KIAA1328: variants seen among roughly 807,000 people sequenced by gnomAD.
The protein encoded by KIAA1328 is protein hinderin.
Under a neutral mutation model 68.1 loss-of-function variants are expected in KIAA1328, and 52 were observed. The observed-to-expected ratio is 0.76, with a 90% confidence interval of 0.61 to 0.96. KIAA1328 has a LOEUF of 0.96. Ranked by LOEUF, KIAA1328 falls within the 40% of genes least tolerant of loss-of-function variation. The pLI is 0.00. For missense variants in KIAA1328, 641 were observed against 677.6 expected, an observed-to-expected ratio of 0.95 and a Z score of 0.60; for synonymous variants, 232 against 239.4, an observed-to-expected ratio of 0.97 and a Z score of 0.28.
chr18:37,049,128 G>A (rs537701731), intron 6 of KIAA1328, among the ~76,000 whole-genome samples: 21 of 152,260 alleles, frequency 1.4e-4, no homozygotes, highest in Non-Finnish European at 3.1e-4. Context: ...CCCTCAAAGA[G>A]TTCACAGTTT....
At chr18:37,029,314 T>G (rs1391454691) in intron 6 of KIAA1328, among the ~76,000 whole-genome samples, 1 of 152,146 alleles carries the variant, frequency 6.6e-6, no homozygotes, top group Non-Finnish European at 1.5e-5. Context: ...TAGGGGTGTT[T>G]GTAATAGTCT....
intron 5 of KIAA1328, among the ~76,000 whole-genome samples, chr18:36,941,859 G>A (rs2050724675): frequency 6.6e-6 from 1 of 151,872 alleles, no homozygotes; most frequent in Non-Finnish European, 1.5e-5. Context: ...AAGACCCCAG[G>A]AAGCTTATGG....
At chr18:37,149,995 C>T (rs896877211) in intron 7 of KIAA1328, among the ~76,000 whole-genome samples, 11 of 152,068 alleles carry the variant, frequency 7.2e-5, no homozygotes, top group African/African-American at 1.7e-4. Context: ...TTTTTGCAAG[C>T]ACTTTTGACA....
chr18:37,189,388 A>C (rs1300391727), intron 9 of KIAA1328, among the ~76,000 whole-genome samples: 1 of 152,232 alleles, frequency 6.6e-6, no homozygotes, highest in African/African-American at 2.4e-5. Flanking sequence ...TTTGGTTAAA[A>C]TAAATTATTT....
intron 5 of KIAA1328, among the ~76,000 whole-genome samples, chr18:36,892,269 A>G (rs2048715539): frequency 1.3e-5 from 2 of 152,174 alleles, no homozygotes; most frequent in Non-Finnish European, 2.9e-5. Context: ...CTCCTTTTTA[A>G]TGTATCTTTC....
rs540573087 is a variant in KIAA1328, at chr18:37,193,063, A to G, written c.1523+19982A>G. On this transcript the variant is annotated intron_variant, in intron 9 of 9. Coordinates refer to ENST00000280020, the MANE Select transcript of KIAA1328 (RefSeq NM_020776.3). ...TGTTGCACAGTGATAGTCTTTCACC[A>G]AACCTCCCAAAGAACAACAAAAAAG... Among the ~76,000 whole-genome samples, 13 of 152,324 alleles carry G rather than the reference A, an allele frequency of 8.5e-5. No homozygotes were observed. In the East Asian group the frequency reaches 2.1e-3, roughly 25 times the overall value.
chr18:36,943,994 C>T (rs567859763), intron 5 of KIAA1328, among the ~76,000 whole-genome samples: 13 of 152,152 alleles, frequency 8.5e-5, no homozygotes, highest in Middle Eastern at 6.9e-3. Context: ...AGTAGTAGGA[C>T]GATAAACTTT....
chr18:37,017,802 A>G (rs1483291789), intron 6 of KIAA1328, among the ~76,000 whole-genome samples: 4 of 151,342 alleles, frequency 2.6e-5, no homozygotes, highest in Admixed American at 2.0e-4. Context: ...TTTGTTTTCT[A>G]TTTATGCGGT....
chr18:37,034,329 A>G (rs2054947206), intron 6 of KIAA1328, among the ~76,000 whole-genome samples: 1 of 152,188 alleles, frequency 6.6e-6, no homozygotes, highest in Non-Finnish European at 1.5e-5. Context: ...CACTTTCATC[A>G]GATTTGTTGT....
At chr18:37,131,076 G>C (rs950554756) in intron 7 of KIAA1328, among the ~76,000 whole-genome samples, 14 of 152,198 alleles carry the variant, frequency 9.2e-5, no homozygotes, top group African/African-American at 3.4e-4. Context: ...GCCTGGGAAT[G>C]TGTATTTTCA....
rs559117298 is a variant in KIAA1328, at chr18:36,993,861, A to G, written c.576+34426A>G. On this transcript the variant is annotated intron_variant, in intron 6 of 9. Coordinates refer to ENST00000280020, the MANE Select transcript of KIAA1328 (RefSeq NM_020776.3). ...ATTATCTCTATGGAGTAGTATTGGG[A>G]GTAACAAACAGAGGTGTTTTATTTT... Among the ~76,000 whole-genome samples the G allele has an allele frequency of 2.0e-5, 3 of 152,094 alleles. No homozygotes were observed. The South Asian group carries it at 6.2e-4, about 32-fold the overall frequency.
intron 6 of KIAA1328, among the ~76,000 whole-genome samples, chr18:37,063,319 C>T (rs1292423918): frequency 6.6e-6 from 1 of 152,134 alleles, no homozygotes. Flanking sequence ...GAAGAATCTC[C>T]AACCTTATGT....
chr18:36,912,727 A>C (rs747342552), intron 5 of KIAA1328, among the ~76,000 whole-genome samples: 1 of 152,138 alleles, frequency 6.6e-6, no homozygotes, highest in Non-Finnish European at 1.5e-5. Context: ...ATCTCTTTTA[A>C]ATCTTATCAG....
intron 6 of KIAA1328, among the ~76,000 whole-genome samples, chr18:37,020,223 A>G (rs567664609): frequency 6.6e-6 from 1 of 152,014 alleles, no homozygotes; most frequent in African/African-American, 2.4e-5. Context: ...TCCCGCGTTG[A>G]GCGATCCTCC....
At chr18:37,152,454 C>G (rs555744015) in intron 7 of KIAA1328, among the ~76,000 whole-genome samples, 10 of 152,104 alleles carry the variant, frequency 6.6e-5, no homozygotes, top group Non-Finnish European at 4.4e-5. Context: ...AGAAGGCGAG[C>G]AGGGTACCTT....
At chr18:36,967,131 A>C (rs1481461985) in intron 6 of KIAA1328, among the ~76,000 whole-genome samples, 1 of 152,206 alleles carries the variant, frequency 6.6e-6, no homozygotes, top group Non-Finnish European at 1.5e-5. Flanking sequence ...TAAAAAGATT[A>C]TCTTGGTAGG....
chr18:37,206,889 A>G (rs2060226304), intron 9 of KIAA1328, among the ~76,000 whole-genome samples: 1 of 152,140 alleles, frequency 6.6e-6, no homozygotes, highest in African/African-American at 2.4e-5. Context: ...GTTTTTTCAA[A>G]CCTTTGAAAA....
intron 5 of KIAA1328, chr18:36,886,062 A>G (rs1026227690): frequency 2.1e-5 from 4 of 187,378 alleles, no homozygotes; most frequent in Admixed American, 6.1e-5. Flanking sequence ...CCAGAGAAAT[A>G]ATTGTTCTAA....
At chr18:36,932,954 A>G (rs887040823) in intron 5 of KIAA1328, among the ~76,000 whole-genome samples, 2 of 152,198 alleles carry the variant, frequency 1.3e-5, no homozygotes, top group Non-Finnish European at 2.9e-5. Flanking sequence ...ATACAAAAGG[A>G]TGACGTTTTT....
Sources: gnomAD v4.1 joint callset for allele counts (sites outside exome capture counted in the v4.1 genomes callset) on GRCh38, gnomAD v4.1.1 for gene constraint, MANE v1.5 for transcripts, NCBI Gene and HGNC (gene_info 2026-07-23, HGNC 2026-07-21) for gene names.